Variants in GPC5 observed in about 807,000 individuals in gnomAD.
GPC5 encodes the protein glypican 5, also known as glypican-5.
GPC5 carries 47 observed loss-of-function variants against 53.9 expected under a neutral mutation model. The ratio of observed to expected loss-of-function variants is 0.87; its 90% CI spans 0.69 to 1.11. The LOEUF (loss-of-function observed/expected upper bound fraction) is 1.11, where lower values mean the gene tolerates loss of function less well. GPC5 is among the 50% of genes most tolerant of loss of function. GPC5 has a pLI of 0.00. For missense variants in GPC5, 748 were observed against 713.1 expected, an observed-to-expected ratio of 1.05 and a Z score of -0.56; for synonymous variants, 286 against 263.3, an observed-to-expected ratio of 1.09 and a Z score of -0.84.
chr13:91,943,591 T>C (rs947949951), intron 6 of GPC5, among the ~76,000 whole-genome samples: 3 of 152,240 alleles, frequency 2.0e-5, no homozygotes. Flanking sequence ...ATAAGGTTGA[T>C]CACAAAATGT....
At chr13:91,630,824 G>A (rs548690563) in intron 2 of GPC5, among the ~76,000 whole-genome samples, 2 of 151,948 alleles carry the variant, frequency 1.3e-5, no homozygotes, top group African/African-American at 4.8e-5. Context: ...GGTCAAGAAG[G>A]TTTTTCTTTT....
chr13:92,120,536 C>T (rs1368308356), intron 6 of GPC5, among the ~76,000 whole-genome samples: 2 of 152,100 alleles, frequency 1.3e-5, no homozygotes, highest in Non-Finnish European at 2.9e-5. Context: ...CAGGTGCGAG[C>T]CACCAAGCCC....
intron 7 of GPC5, among the ~76,000 whole-genome samples, chr13:92,238,736 G>T (rs772448880): frequency 2.0e-5 from 3 of 151,320 alleles, no homozygotes; most frequent in Non-Finnish European, 4.4e-5. Flanking sequence ...TCTTGGTGGG[G>T]TTACTTTGAA....
chr13:92,453,044 CTG>C (rs1362974148), intron 7 of GPC5, among the ~76,000 whole-genome samples: 1 of 152,150 alleles, frequency 6.6e-6, no homozygotes, highest in Non-Finnish European at 1.5e-5. Flanking sequence ...CCAGCTGGAA[CTG>C]TGATTGCAAT....
At chr13:91,739,839 G>A (rs2036892386) in intron 4 of GPC5, among the ~76,000 whole-genome samples, 1 of 151,512 alleles carries the variant, frequency 6.6e-6, no homozygotes, top group African/African-American at 2.5e-5. Flanking sequence ...GCAAAGGCAT[G>A]AGGGATGAAA....
intron 7 of GPC5, among the ~76,000 whole-genome samples, chr13:92,723,368 T>G (rs1888554914): frequency 2.8e-5 from 1 of 35,996 alleles, no homozygotes; most frequent in African/African-American, 1.3e-4. Context: ...GAGTCAGAGC[T>G]GGTAAGGAGT....
At chr13:92,692,978 A>T (rs936736817) in intron 7 of GPC5, among the ~76,000 whole-genome samples, 2 of 151,844 alleles carry the variant, frequency 1.3e-5, no homozygotes, top group East Asian at 2.0e-4. Flanking sequence ...GGTTTCCCTC[A>T]TACTATTCTC....
At chr13:92,164,495 G>A (rs2042013007) in intron 7 of GPC5, among the ~76,000 whole-genome samples, 1 of 152,174 alleles carries the variant, frequency 6.6e-6, no homozygotes, top group South Asian at 2.1e-4. Context: ...CTCACATCCA[G>A]GTCACACTGA....
At chr13:92,780,202 C>T (rs891099756) in intron 7 of GPC5, among the ~76,000 whole-genome samples, 1 of 151,788 alleles carries the variant, frequency 6.6e-6, no homozygotes, top group African/African-American at 2.4e-5. Flanking sequence ...ATTTAAAACT[C>T]TTCTTAGTAA....
At chr13:92,726,642 G>A (rs2139293992) in intron 7 of GPC5, among the ~76,000 whole-genome samples, 2 of 151,604 alleles carry the variant, frequency 1.3e-5, no homozygotes, top group East Asian at 3.9e-4. Context: ...TTCTTGATAG[G>A]TGATCACATC....
At chr13:91,568,913 T>C (rs985841105) in intron 2 of GPC5, among the ~76,000 whole-genome samples, 1 of 152,060 alleles carries the variant, frequency 6.6e-6, no homozygotes. Flanking sequence ...CACACCCAAC[T>C]AATTTTATTG....
At chr13:92,312,746 C>G (rs1205490963) in intron 7 of GPC5, among the ~76,000 whole-genome samples, 2 of 152,024 alleles carry the variant, frequency 1.3e-5, no homozygotes, top group African/African-American at 4.8e-5. Context: ...GTAATTTTAT[C>G]TTCATTTTTT....
At chr13:91,551,629 G>T (rs982796547) in intron 2 of GPC5, among the ~76,000 whole-genome samples, 1 of 152,086 alleles carries the variant, frequency 6.6e-6, no homozygotes. Flanking sequence ...AATGGGGATA[G>T]CAAATAATAG....
chr13:91,449,987 C>T (rs1461828869), intron 2 of GPC5, among the ~76,000 whole-genome samples: 1 of 152,068 alleles, frequency 6.6e-6, no homozygotes, highest in Non-Finnish European at 1.5e-5. Context: ...TAATGTCAAT[C>T]TATTTGAATA....
chr13:92,737,926 C>T (rs1888983790), intron 7 of GPC5, among the ~76,000 whole-genome samples: 2 of 151,442 alleles, frequency 1.3e-5, no homozygotes, highest in Admixed American at 1.3e-4. Flanking sequence ...GTCACCATGC[C>T]TGCCTAATTT....
chr13:92,316,590 T>A (rs1157103587), intron 7 of GPC5, among the ~76,000 whole-genome samples: 1 of 152,092 alleles, frequency 6.6e-6, no homozygotes, highest in Non-Finnish European at 1.5e-5. Flanking sequence ...GCCTATTAAT[T>A]TTACTGAATA....
chr13:91,697,921 A>G (rs970568123), intron 3 of GPC5, among the ~76,000 whole-genome samples: 38 of 136,976 alleles, frequency 2.8e-4, no homozygotes, highest in African/African-American at 1.0e-3. Flanking sequence ...TTTTTTTTTG[A>G]GACGGAGTCT....
At chr13:92,717,000 C>T (rs1396722031) in intron 7 of GPC5, among the ~76,000 whole-genome samples, 1 of 151,882 alleles carries the variant, frequency 6.6e-6, no homozygotes, top group African/African-American at 2.4e-5. Flanking sequence ...GTGACTTTCC[C>T]GAAGTGGCAG....
intron 7 of GPC5, among the ~76,000 whole-genome samples, chr13:92,347,786 TG>T (rs1053118107): frequency 2.3e-5 from 3 of 129,828 alleles, no homozygotes; most frequent in African/African-American, 9.1e-5. Context: ...AAAATGTGTG[TG>T]GGAGGAGCAA....
Sources: gnomAD v4.1 joint callset for allele counts (sites outside exome capture counted in the v4.1 genomes callset) on GRCh38, gnomAD v4.1.1 for gene constraint, MANE v1.5 for transcripts, NCBI Gene and HGNC (gene_info 2026-07-23, HGNC 2026-07-21) for gene names.